TMPRSS11F: variants seen among roughly 807,000 people sequenced by gnomAD.
TMPRSS11F encodes transmembrane serine protease 11F, also known as transmembrane protease serine 11F.
A neutral mutation model predicts 60.2 loss-of-function variants in TMPRSS11F; 47 were observed. That is an observed-to-expected ratio of 0.78 (90% CI 0.62 to 1.00). The LOEUF (loss-of-function observed/expected upper bound fraction) is 1.00. TMPRSS11F is among the 50% of genes least tolerant of loss of function. The probability of loss-of-function intolerance (pLI) is 0.00; values close to 1 mark genes in which losing one functional copy is unlikely to be tolerated. For synonymous variants in TMPRSS11F, 166 were observed against 167.3 expected (o/e 0.99, Z 0.06); for missense variants, 519 against 522.9 (o/e 0.99, Z 0.07).
intron 6 of TMPRSS11F, among the ~76,000 whole-genome samples, chr4:68,069,110 C>T (rs961176067): frequency 7.9e-5 from 12 of 152,132 alleles, no homozygotes; most frequent in African/African-American, 2.7e-4. Flanking sequence ...TGCTATGTGT[C>T]TTAGATGTAT....
At chr4:68,057,131 A>G (rs1268814776) in intron 9 of TMPRSS11F, among the ~76,000 whole-genome samples, 4 of 152,062 alleles carry the variant, frequency 2.6e-5, no homozygotes, top group Non-Finnish European at 5.9e-5. Flanking sequence ...CTGAAAATAT[A>G]AAAACTAGCC....
rs776617541 is a variant in TMPRSS11F at position 68,098,959 on chromosome 4, C to T, written c.91G>A (p.Ala31Thr). 6.2e-7 allele frequency: 1 copy of T among 1,613,136 alleles called. No homozygotes were observed. Among genetic ancestry groups the T allele is most frequent in the Non-Finnish European group, 8.5e-7 (1 of 1,179,504 alleles). The change falls in exon 2 of 10, where the codon GCT becomes ACT. Residue 31 changes from alanine to threonine, a missense_variant. Coordinates refer to ENST00000356291, the MANE Select transcript of TMPRSS11F (RefSeq NM_207407.2). ...KQQFWDSVRL[A>T]LFTLAIVAII... The stretch of plus-strand genomic sequence containing the variant: ...GCTACAATTGCTAATGTGAAAAGAG[C>T]TAGCCGTACTGAGTCCCAAAATTGC...
intron 1 of TMPRSS11F, among the ~76,000 whole-genome samples, chr4:68,123,445 C>T (rs1724660082): frequency 6.6e-6 from 1 of 152,174 alleles, no homozygotes; most frequent in South Asian, 2.1e-4. Flanking sequence ...CTCGTCTCAA[C>T]CATTTTTACC....
intron 3 of TMPRSS11F, among the ~76,000 whole-genome samples, chr4:68,082,301 G>A (rs866762096): frequency 6.6e-6 from 1 of 152,140 alleles, no homozygotes; most frequent in Non-Finnish European, 1.5e-5. Context: ...GATCTGCCTC[G>A]AGAGTAGGCA....
chr4:68,058,488 T>C (rs1723090397), intron 9 of TMPRSS11F, among the ~76,000 whole-genome samples: 1 of 152,216 alleles, frequency 6.6e-6, no homozygotes. Flanking sequence ...AAAAAGACTT[T>C]TTCATTCAAT....
intron 1 of TMPRSS11F, among the ~76,000 whole-genome samples, chr4:68,105,088 A>C (rs1328749070): frequency 1.1e-5 from 1 of 89,970 alleles, no homozygotes; most frequent in Non-Finnish European, 2.1e-5. Flanking sequence ...AGAGTTTGGG[A>C]AGTATTGGTA....
intron 1 of TMPRSS11F, among the ~76,000 whole-genome samples, chr4:68,105,770 G>T (rs1453841843): frequency 6.6e-6 from 1 of 152,064 alleles, no homozygotes; most frequent in African/African-American, 2.4e-5. Flanking sequence ...TGTTTAAAAT[G>T]TATAAAAATA....
intron 2 of TMPRSS11F, among the ~76,000 whole-genome samples, chr4:68,095,499 A>G (rs1724054110): frequency 6.6e-6 from 1 of 152,192 alleles, no homozygotes; most frequent in Non-Finnish European, 1.5e-5. Flanking sequence ...ATTAGCAAAT[A>G]TAAAAAACTA....
intron 1 of TMPRSS11F, among the ~76,000 whole-genome samples, chr4:68,124,645 A>C (rs1210377212): frequency 6.6e-6 from 1 of 152,200 alleles, no homozygotes; most frequent in African/African-American, 2.4e-5. Context: ...TTATTTGCCT[A>C]ATTATAAAAA....
At chr4:68,091,589 CTTAT>C (rs1198718143) in intron 2 of TMPRSS11F, among the ~76,000 whole-genome samples, 1 of 152,028 alleles carries the variant, frequency 6.6e-6, no homozygotes, top group Non-Finnish European at 1.5e-5. Flanking sequence ...CATTTACTCC[CTTAT>C]TTACTTAAAC....
intron 4 of TMPRSS11F, among the ~76,000 whole-genome samples, chr4:68,072,950 T>C (rs557254408): frequency 1.6e-4 from 25 of 152,194 alleles, no homozygotes; most frequent in Non-Finnish European, 2.9e-4. Flanking sequence ...GTAGATTCCA[T>C]TTCCTGGGCT....
At chr4:68,121,385 T>C (rs1047752866) in intron 1 of TMPRSS11F, among the ~76,000 whole-genome samples, 1 of 152,198 alleles carries the variant, frequency 6.6e-6, no homozygotes, top group Non-Finnish European at 1.5e-5. Flanking sequence ...CACTCTCTTC[T>C]GAAAAATATG....
rs747891501 is a variant in TMPRSS11F at position 68,072,494 on chromosome 4, A to G, written c.351-8T>C. ...ACACCTTGTTCATCTGGACTGAAGA[A>G]CAAAAAAGCAGATAAAAATGGCATT... On this transcript the variant is annotated splice_polypyrimidine_tract_variant and splice_region_variant and intron_variant, in intron 4 of 9. Transcript: ENST00000356291. 1.4e-6 allele frequency: 2 copies of G among 1,480,868 alleles called. No homozygotes were observed. Among genetic ancestry groups the G allele is most frequent in the East Asian group, 2.4e-5 (1 of 42,242 alleles). 91.7% of individuals were successfully genotyped at this position (1,480,868 alleles called of 1,614,324 possible).
intron 1 of TMPRSS11F, among the ~76,000 whole-genome samples, chr4:68,125,810 A>T (rs971667817): frequency 6.6e-6 from 1 of 152,174 alleles, no homozygotes; most frequent in African/African-American, 2.4e-5. Flanking sequence ...TTATAGTGTT[A>T]AGAGGTCCTG....
intron 1 of TMPRSS11F, among the ~76,000 whole-genome samples, chr4:68,107,718 C>A (rs1289066123): frequency 6.6e-6 from 1 of 152,118 alleles, no homozygotes; most frequent in Non-Finnish European, 1.5e-5. Flanking sequence ...GCGGGCAGAT[C>A]ACGAGGTCAA....
intron 7 of TMPRSS11F, 84 bp downstream of exon 7, chr4:68,068,534 A>C (rs1079449): frequency 0.76 from 908,120 of 1,195,552 alleles, 350,525 homozygotes; most frequent in East Asian, 0.87. Context: ...GTTAAACTGG[A>C]GAGACTGGAC....
At chr4:68,069,278 C>T (rs779067442) in intron 6 of TMPRSS11F, among the ~76,000 whole-genome samples, 8 of 152,126 alleles carry the variant, frequency 5.3e-5, no homozygotes, top group Non-Finnish European at 1.0e-4. Context: ...GAGCCCAATA[C>T]TAACTGTAGG....
chr4:68,062,573 C>T (rs1404067096), intron 8 of TMPRSS11F: 2 of 845,278 alleles, frequency 2.4e-6, no homozygotes, highest in East Asian at 4.9e-5. Flanking sequence ...CTGCCATCTA[C>T]GTACTTGCCG....
chr4:68,110,470 T>C (rs969012160), intron 1 of TMPRSS11F, among the ~76,000 whole-genome samples: 2 of 152,122 alleles, frequency 1.3e-5, no homozygotes, highest in Admixed American at 6.6e-5. Flanking sequence ...TTAAAAGGCA[T>C]AAAGTTTGTT....
Sources: gnomAD v4.1 joint callset for allele counts (sites outside exome capture counted in the v4.1 genomes callset) on GRCh38, gnomAD v4.1.1 for gene constraint, MANE v1.5 for transcripts, NCBI Gene and HGNC (gene_info 2026-07-23, HGNC 2026-07-21) for gene names.